SLX9: variants seen among roughly 807,000 people sequenced by gnomAD.
SLX9 encodes ribosome biogenesis protein SLX9 homolog.
SLX9 carries 19 observed loss-of-function variants against 20.8 expected under a neutral mutation model. The ratio of observed to expected loss-of-function variants is 0.91; its 90% CI spans 0.64 to 1.34. SLX9 has a LOEUF of 1.34. Ranked by LOEUF, SLX9 falls within the 40% of genes most tolerant of loss-of-function variation. The probability of loss-of-function intolerance (pLI) is 0.00; values close to 1 mark genes in which losing one functional copy is unlikely to be tolerated. For synonymous variants in SLX9, 113 were observed against 137.1 expected (o/e 0.82, Z 1.23); for missense variants, 299 against 322.2 (o/e 0.93, Z 0.55).
rs147978360 is a variant in SLX9, at chr21:44,960,147, A to C, written c.331A>C (p.Arg111=). 4.7e-5 allele frequency: 76 copies of C among 1,614,130 alleles called. No homozygotes were observed. In the Middle Eastern group the frequency reaches 6.6e-4, roughly 14 times the overall value. Reference sequence around the variant, plus strand: ...GCCCAAGAAGGAGAAAATGAAGCTGAGGCGTGAGCAATGGTTGCAGAGTAA... The same window carrying C: ...GCCCAAGAAGGAGAAAATGAAGCTGCGGCGTGAGCAATGGTTGCAGAGTAA... ...VLPKKEKMKL[R]REQWLQKIEA... is the part of the protein sequence containing the mutation. The change falls in exon 3 of 6, where the codon AGG becomes CGG. Residue 111 remains arginine, a synonymous_variant. Coordinates refer to ENST00000291634, the MANE Select transcript of SLX9 (RefSeq NM_058190.4).
intron 2 of SLX9, among the ~76,000 whole-genome samples, chr21:44,959,421 A>G (rs912682109): frequency 1.3e-5 from 2 of 152,052 alleles, no homozygotes; most frequent in African/African-American, 4.8e-5. Context: ...TGCCCTCTCC[A>G]CCTGTCCCCA....
intron 5 of SLX9, 111 bp downstream of exon 5, chr21:44,973,376 A>C (rs1314610323): frequency 1.1e-5 from 7 of 638,436 alleles, no homozygotes; most frequent in Non-Finnish European, 1.6e-5. Context: ...CACCCTCTCC[A>C]GGGGTTCAGC....
In SLX9 at chr21:44,960,097, C is replaced by G; in HGVS notation, c.284-3C>G. On this transcript the variant is annotated splice_region_variant and splice_polypyrimidine_tract_variant and intron_variant, in intron 2 of 5. Coordinates refer to ENST00000291634, the MANE Select transcript of SLX9 (RefSeq NM_058190.4). The stretch of plus-strand genomic sequence containing the variant: ...TGCTCACTCCCGTGTTCTCTTTCCT[C>G]AGGTGCAGAGGCCAAGACCGTTTTG... 1 of 1,614,170 alleles carries G rather than the reference C, an allele frequency of 6.2e-7. No homozygotes were observed. The highest frequency in any genetic ancestry group is 8.5e-7 in the Non-Finnish European group (1 of 1,179,992).
chr21:44,973,019 T>C, intron 4 of SLX9, 178 bp from the exon 5 acceptor site: 1 of 710,124 alleles, frequency 1.4e-6, no homozygotes. Context: ...GTTGCACTGC[T>C]TGTCCAGGTC....
At chr21:44,940,238 T>G (rs540303467) in intron 1 of SLX9, 52 bp downstream of exon 1, 1 of 1,203,984 alleles carries the variant, frequency 8.3e-7, no homozygotes, top group African/African-American at 1.6e-5. Flanking sequence ...CGAGGGCGGG[T>G]GAGCTGCGGG....
chr21:44,966,133 C>A (rs2085029553), intron 3 of SLX9, among the ~76,000 whole-genome samples: 2 of 152,156 alleles, frequency 1.3e-5, no homozygotes, highest in Non-Finnish European at 2.9e-5. Context: ...GGTGGCATCC[C>A]CTGATTTCGG....
Position 44,943,719 on chromosome 21 carries a change from G to A in SLX9, c.165G>A (p.Arg55=), listed in dbSNP as rs1379521122. 1 of 1,614,154 alleles carries A rather than the reference G, an allele frequency of 6.2e-7. No individual in the cohort carries two copies. ...TCATCAACACCAACATCTTTGCCAG[G>A]ACCAAGATAGACCCCAGCGCCTTGG... is the stretch of plus-strand genomic sequence containing the variant. ...WAFINTNIFA[R]TKIDPSALVQ... The change falls in exon 2 of 6, where the codon AGG becomes AGA. Residue 55 remains arginine, a synonymous_variant. Transcript: ENST00000291634.
At chr21:44,945,819 C>T (rs2084631400) in intron 2 of SLX9, among the ~76,000 whole-genome samples, 3 of 152,322 alleles carry the variant, frequency 2.0e-5, no homozygotes, top group Admixed American at 2.0e-4. Context: ...CAAGTGATTC[C>T]CCTGCCTCAG....
At chr21:44,966,142 G>A (rs1411687525) in intron 3 of SLX9, among the ~76,000 whole-genome samples, 1 of 152,196 alleles carries the variant, frequency 6.6e-6, no homozygotes, top group Non-Finnish European at 1.5e-5. Flanking sequence ...CCCTGATTTC[G>A]GGTTGGTCAG....
intron 2 of SLX9, among the ~76,000 whole-genome samples, chr21:44,948,672 G>A (rs761940136): frequency 2.0e-5 from 3 of 152,196 alleles, no homozygotes; most frequent in Non-Finnish European, 4.4e-5. Flanking sequence ...GGACGGCTTG[G>A]GGGCGGTGGG....
At chr21:44,969,333 C>G (rs1010684938) in intron 4 of SLX9, 9 of 419,576 alleles carry the variant, frequency 2.1e-5, no homozygotes, top group Admixed American at 7.9e-5. Context: ...TGACCCTGGT[C>G]AAGTATCCTT....
rs146662860 is a variant in SLX9 at position 44,972,171 on chromosome 21, G to T, written c.501-1026G>T. 5.9e-5 allele frequency among the ~76,000 whole-genome samples: 9 copies of T among 152,264 alleles called. No individual in the cohort carries two copies. In the South Asian group the frequency reaches 1.7e-3, roughly 28 times the overall value. On this transcript the variant is annotated intron_variant, in intron 4 of 5. Transcript: ENST00000291634. The stretch of plus-strand genomic sequence containing the variant: ...TCTGCGTCTCTGCCTTCCCGCCGTC[G>T]TCTGGGTCCCATCTCACTGTGTGGA...
intron 5 of SLX9, among the ~76,000 whole-genome samples, chr21:44,974,389 AT>A (rs2085223394): frequency 6.6e-6 from 1 of 152,008 alleles, no homozygotes; most frequent in South Asian, 2.1e-4. Flanking sequence ...AGCTCCAAAG[AT>A]TTCTTTATTG....
intron 2 of SLX9, among the ~76,000 whole-genome samples, chr21:44,951,549 T>C (rs1314833799): frequency 6.6e-6 from 1 of 152,160 alleles, no homozygotes; most frequent in African/African-American, 2.4e-5. Flanking sequence ...GATCAACTTT[T>C]ACCTAAAATT....
At chr21:44,943,263 G>GAC (rs1015241664) in intron 1 of SLX9, among the ~76,000 whole-genome samples, 3 of 152,346 alleles carry the variant, frequency 2.0e-5, no homozygotes, top group African/African-American at 7.2e-5. Context: ...CTGATGGGAT[G>GAC]TGGTCAGTCT....
At chr21:44,939,876 C>T, upstream of SLX9, 2 of 586,682 alleles carry the variant, frequency 3.4e-6, no homozygotes, top group Non-Finnish European at 5.7e-6. Context: ...CCAGGTGCGT[C>T]GGTGAAAGGC....
At chr21:44,964,848 C>G (rs1601410154) in intron 3 of SLX9, among the ~76,000 whole-genome samples, 1 of 152,284 alleles carries the variant, frequency 6.6e-6, no homozygotes, top group East Asian at 1.9e-4. Context: ...TTTGATTCCT[C>G]TTTGTTTTTA....
intron 3 of SLX9, among the ~76,000 whole-genome samples, chr21:44,960,849 AT>A (rs2084939553): frequency 6.6e-6 from 1 of 152,004 alleles, no homozygotes; most frequent in African/African-American, 2.4e-5. Flanking sequence ...TTTTTCTAAG[AT>A]TGTTTCTCGT....
chr21:44,946,686 C>A (rs965802593), intron 2 of SLX9, among the ~76,000 whole-genome samples: 1 of 152,224 alleles, frequency 6.6e-6, no homozygotes, highest in Non-Finnish European at 1.5e-5. Flanking sequence ...GCCGCGGGCC[C>A]CCATTACAGC....
Sources: allele counts gnomAD v4.1 joint callset (sites outside exome capture counted in the v4.1 genomes callset), GRCh38; gene constraint gnomAD v4.1.1; transcripts MANE v1.5; gene names NCBI Gene and HGNC (gene_info 2026-07-23, HGNC 2026-07-21).